THSD7A: variants seen among roughly 807,000 people sequenced by gnomAD.
THSD7A encodes the protein thrombospondin type-1 domain-containing protein 7A.
THSD7A carries 96 observed loss-of-function variants against 231.3 expected under a neutral mutation model. The observed-to-expected ratio is 0.41, with a 90% CI of 0.35 to 0.49. The LOEUF is 0.49. THSD7A is among the 20% of genes least tolerant of loss of function. The pLI, the probability that THSD7A is intolerant of heterozygous loss-of-function variation, is 0.05. For missense variants in THSD7A, 2,290 were observed against 2,070.2 expected, an observed-to-expected ratio of 1.11 and a Z score of -2.06; for synonymous variants, 940 against 743.3, an observed-to-expected ratio of 1.26 and a Z score of -4.30.
chr7:11,640,886 C>T (rs113004831), intron 1 of THSD7A, among the ~76,000 whole-genome samples: 3 of 151,866 alleles, frequency 2.0e-5, no homozygotes, highest in Non-Finnish European at 4.4e-5. Flanking sequence ...AAATGCACTC[C>T]CTAAAGGGGT....
intron 4 of THSD7A, among the ~76,000 whole-genome samples, chr7:11,559,174 T>TCA (rs1444084465): frequency 0.02 from 3,012 of 152,190 alleles, 115 homozygotes; most frequent in African/African-American, 0.069. Flanking sequence ...ACACTCTGAA[T>TCA]GAGCAAGCAC....
intron 1 of THSD7A, among the ~76,000 whole-genome samples, chr7:11,668,994 A>G (rs1213124994): frequency 6.6e-6 from 1 of 152,148 alleles, no homozygotes; most frequent in Non-Finnish European, 1.5e-5. Flanking sequence ...TGGCTATTAC[A>G]TGGTATGGCT....
chr7:11,659,301 G>A (rs1782832737), intron 1 of THSD7A, among the ~76,000 whole-genome samples: 1 of 151,394 alleles, frequency 6.6e-6, no homozygotes, highest in South Asian at 2.1e-4. Flanking sequence ...TGCACCGAGC[G>A]GTCAGAGAAA....
Position 11,636,111 on chromosome 7 carries a change from A to C in THSD7A, c.1022+19T>G. The stretch of plus-strand genomic sequence containing the variant: ...CTTGACAGACAAGCCTGTGTAGTTA[A>C]CAGTAATTAAAATGTTACCTTAAAT... On this transcript the variant is annotated intron_variant, in intron 2 of 27. Transcript: ENST00000423059. This position sits in a 1 kb window ranked among gnomAD's most constrained non-coding sequence, Gnocchi z 10.0. The C allele has an allele frequency of 1.3e-6, 2 of 1,591,108 alleles. No homozygotes were observed. The highest frequency in any genetic ancestry group is 1.7e-6 in the Non-Finnish European group (2 of 1,166,404).
At chr7:11,601,554 T>G (rs967777423) in intron 2 of THSD7A, among the ~76,000 whole-genome samples, 8 of 152,094 alleles carry the variant, frequency 5.3e-5, no homozygotes, top group Non-Finnish European at 1.2e-4. Flanking sequence ...AATAAAGCTT[T>G]TAAGCCAGGA....
chr7:11,737,914 A>G (rs1318760279), intron 1 of THSD7A, among the ~76,000 whole-genome samples: 4 of 152,058 alleles, frequency 2.6e-5, no homozygotes, highest in Admixed American at 6.6e-5. Context: ...ACAAATAAAT[A>G]TAAGCCATGA....
In THSD7A at chr7:11,474,313, T is replaced by G; in HGVS notation, c.2252+21A>C. On this transcript the variant is annotated intron_variant, in intron 8 of 27. Transcript: ENST00000423059. The surrounding 1 kb of genome is among the most constrained non-coding windows in gnomAD (Gnocchi z 4.1). Reference sequence around the variant, plus strand: ...GCACAGGTGGCTACACGATTTACTGTTGTCATTCTAAAGCTCTTACTTTTT... The same window carrying G: ...GCACAGGTGGCTACACGATTTACTGGTGTCATTCTAAAGCTCTTACTTTTT... 1 of 1,590,280 alleles carries G rather than the reference T, an allele frequency of 6.3e-7. No homozygotes were observed. Among genetic ancestry groups the G allele is most frequent in the African/African-American group, 1.3e-5 (1 of 74,654 alleles).
rs1783576299 is a variant in THSD7A at position 11,406,228 on chromosome 7, T to C, written c.4237+72A>G. 1 of 1,440,906 alleles carries C rather than the reference T, an allele frequency of 6.9e-7. No homozygotes were observed. The highest frequency in any genetic ancestry group is 2.2e-5 in the Admixed American group (1 of 46,230). The allele number at this position is 1,440,906 out of a possible 1,614,324, so 89.3% of individuals were successfully genotyped here. The stretch of plus-strand genomic sequence containing the variant: ...TTGACATCCTGTAACTTATACTTTA[T>C]ATGCAACCCCTTCACGGCCCTTGTC... On this transcript the variant is annotated intron_variant, in intron 22 of 27. Coordinates refer to ENST00000423059, the MANE Select transcript of THSD7A (RefSeq NM_015204.3). This position sits in a 1 kb window ranked among gnomAD's most constrained non-coding sequence, Gnocchi z 4.7.
At chr7:11,733,275 A>G (rs770412547) in intron 1 of THSD7A, among the ~76,000 whole-genome samples, 59 of 151,944 alleles carry the variant, frequency 3.9e-4, no homozygotes, top group Middle Eastern at 6.8e-3. Context: ...TGTCAGTAAC[A>G]GCCCTGTTGT....
chr7:11,533,104 G>A (rs1788771338), intron 6 of THSD7A, among the ~76,000 whole-genome samples: 1 of 152,120 alleles, frequency 6.6e-6, no homozygotes, highest in Non-Finnish European at 1.5e-5. Flanking sequence ...GGGGCATAAA[G>A]TGATATCCAA....
At chr7:11,392,287 G>A (rs531940365) in intron 23 of THSD7A, among the ~76,000 whole-genome samples, 14 of 152,108 alleles carry the variant, frequency 9.2e-5, no homozygotes, top group Admixed American at 7.8e-4. Context: ...TGGGAAGTGC[G>A]AGGGGTTGGG....
intron 9 of THSD7A, among the ~76,000 whole-genome samples, chr7:11,468,962 A>G (rs2128300630): frequency 6.6e-6 from 1 of 152,278 alleles, no homozygotes; most frequent in Middle Eastern, 3.4e-3. Flanking sequence ...TCAACTATAT[A>G]AAAATATAGT....
At chr7:11,824,943 T>A (rs566311472) in intron 1 of THSD7A, among the ~76,000 whole-genome samples, 1 of 152,286 alleles carries the variant, frequency 6.6e-6, no homozygotes, top group African/African-American at 2.4e-5. Context: ...TCTATTTACA[T>A]AATTAACCCT....
Position 11,411,313 on chromosome 7 carries a change from G to A in THSD7A, c.3692C>T (p.Thr1231Ile), listed in dbSNP as rs1783777560. 6.2e-6 allele frequency: 10 copies of A among 1,612,352 alleles called. No homozygotes were observed. The highest frequency in any genetic ancestry group is 7.6e-6 in the Non-Finnish European group (9 of 1,178,768). ...AACTGCCTTCTCACTCAGCTGACAT[G>A]TACTCCAGTCTGAAAAAAAGGGAAG... ...HYDYNVTDWSTCQLSEKAVCG... is the reference protein window; with the variant it reads ...HYDYNVTDWSICQLSEKAVCG... Residue 1231 changes from threonine to isoleucine, a missense_variant, in exon 19 of 28, where the codon ACA becomes ATA. Thr to Ile is a moderately conservative substitution (Grantham distance 89, BLOSUM62 -1). Transcript: ENST00000423059. This position sits in a 1 kb window ranked among gnomAD's most constrained non-coding sequence, Gnocchi z 4.1.
At chr7:11,402,755 CTCATT>C (rs1360321532) in intron 22 of THSD7A, among the ~76,000 whole-genome samples, 1 of 152,096 alleles carries the variant, frequency 6.6e-6, no homozygotes, top group Non-Finnish European at 1.5e-5. Context: ...GCTTCTTTCT[CTCATT>C]TATGTTTGTG....
chr7:11,400,734 G>C (rs538283001), intron 23 of THSD7A, among the ~76,000 whole-genome samples: 1 of 152,198 alleles, frequency 6.6e-6, no homozygotes, highest in South Asian at 2.1e-4. Flanking sequence ...AGCCCATTTG[G>C]TTTTTACTGC....
At chr7:11,420,176 G>A (rs936440760) in intron 16 of THSD7A, among the ~76,000 whole-genome samples, 2 of 152,156 alleles carry the variant, frequency 1.3e-5, no homozygotes, top group Non-Finnish European at 2.9e-5. Flanking sequence ...AAGTAAAGAG[G>A]AGCCAAATGT....
rs996431716 is a variant in THSD7A, at chr7:11,447,220, T to A, written c.2800+10A>T. ...ACGTGTACTGGCTTTGGCATCCCAA[T>A]TATTCTTACCAACAAGAGTGCGCTT... On this transcript the variant is annotated intron_variant, in intron 12 of 27. Coordinates refer to ENST00000423059, the MANE Select transcript of THSD7A (RefSeq NM_015204.3). 2.5e-6 allele frequency: 4 copies of A among 1,612,600 alleles called. No individual in the cohort carries two copies. Among genetic ancestry groups the A allele is most frequent in the Admixed American group, 1.7e-5 (1 of 59,842 alleles).
chr7:11,688,415 T>A (rs1780127924), intron 1 of THSD7A, among the ~76,000 whole-genome samples: 1 of 151,842 alleles, frequency 6.6e-6, no homozygotes, highest in East Asian at 2.0e-4. Flanking sequence ...GGATTAAAAC[T>A]CAATCGCTTA....
Sources: allele counts gnomAD v4.1 joint callset (sites outside exome capture counted in the v4.1 genomes callset), GRCh38; gene constraint gnomAD v4.1.1; non-coding constraint Gnocchi (gnomAD v3.1); transcripts MANE v1.5; gene names NCBI Gene and HGNC (gene_info 2026-07-23, HGNC 2026-07-21).